The following FIRRM variants were observed in gnomAD, a reference collection of about 807,000 sequenced individuals.
FIRRM encodes FIGNL1-interacting regulator of recombination and mitosis.
At chr1:169,820,319 G>A in the FIRRM span, among the ~76,000 whole-genome samples, 2 of 152,206 alleles carry the variant, frequency 1.3e-5, no homozygotes, top group Non-Finnish European at 2.9e-5. Context: ...CTTGTCTGTA[G>A]TGAAGGGACC....
At chr1:169,792,059 T>C in the FIRRM span, among the ~76,000 whole-genome samples, 1 of 152,222 alleles carries the variant, frequency 6.6e-6, no homozygotes, top group East Asian at 1.9e-4. Flanking sequence ...TGTCACAGAT[T>C]CCCTTTGTTT....
chr1:169,803,485 G>A, the FIRRM span, among the ~76,000 whole-genome samples: 4 of 152,118 alleles, frequency 2.6e-5, no homozygotes, highest in African/African-American at 9.7e-5. Flanking sequence ...TTTTAAGGAA[G>A]TCATTAAAAG....
the FIRRM span, chr1:169,793,733 C>A: frequency 6.6e-7 from 1 of 1,517,458 alleles, no homozygotes; most frequent in Non-Finnish European, 8.8e-7. Context: ...AATTCAGATT[C>A]TTCAACTTCT....
the FIRRM span, among the ~76,000 whole-genome samples, chr1:169,790,187 C>CT: frequency 2.1e-5 from 3 of 142,866 alleles, no homozygotes; most frequent in Admixed American, 6.9e-5. Flanking sequence ...TTTTTTTTCT[C>CT]TTTTTTTGTT....
At chr1:169,829,171 T>C in the FIRRM span, 1 of 1,176,338 alleles carries the variant, frequency 8.5e-7, no homozygotes, top group South Asian at 2.1e-5. Flanking sequence ...CATTTTCTGC[T>C]TAAACAACCT....
chr1:169,806,076 A>C, the FIRRM span: 14 of 1,583,634 alleles, frequency 8.8e-6, no homozygotes, highest in African/African-American at 1.4e-5. Flanking sequence ...AATACTTGGA[A>C]GTTTATAATT....
the FIRRM span, among the ~76,000 whole-genome samples, chr1:169,805,317 G>T: frequency 9.2e-5 from 14 of 152,244 alleles, no homozygotes; most frequent in Admixed American, 2.6e-4. Context: ...ACATCTGGCT[G>T]TTGGCAGAGG....
chr1:169,807,849 A>G, the FIRRM span: 3 of 1,609,602 alleles, frequency 1.9e-6, no homozygotes, highest in Admixed American at 1.7e-5. Context: ...AGATATAATT[A>G]CTAGCTTGTG....
chr1:169,817,063 G>A, the FIRRM span, among the ~76,000 whole-genome samples: 1 of 151,718 alleles, frequency 6.6e-6, no homozygotes, highest in Non-Finnish European at 1.5e-5. Flanking sequence ...CAGCTCAAAA[G>A]AAGTTTTCTT....
the FIRRM span, chr1:169,807,990 A>T: frequency 6.7e-7 from 1 of 1,490,502 alleles, no homozygotes; most frequent in Non-Finnish European, 9.1e-7. Context: ...CAGTTAGTAA[A>T]TCTCATTTGA....
the FIRRM span, among the ~76,000 whole-genome samples, chr1:169,788,320 T>A: frequency 1.3e-5 from 2 of 152,200 alleles, no homozygotes; most frequent in Admixed American, 1.3e-4. Context: ...ATACTTGAAG[T>A]CTACTTGAAG....
the FIRRM span, chr1:169,851,775 T>TAACA: frequency 6.2e-7 from 1 of 1,603,332 alleles, no homozygotes; most frequent in South Asian, 1.1e-5. Context: ...AGTAGAGTGC[T>TAACA]AACATGTTGC....
At chr1:169,795,856 C>G in the FIRRM span, 3 of 985,088 alleles carry the variant, frequency 3.0e-6, no homozygotes, top group African/African-American at 5.2e-5. Context: ...AGAGTTCTTC[C>G]GCTTGTTGTT....
chr1:169,817,891 G>A, the FIRRM span, among the ~76,000 whole-genome samples: 514 of 151,684 alleles, frequency 3.4e-3, 3 homozygotes, highest in African/African-American at 0.011. Context: ...TTTTTCCAGT[G>A]TTCAATTTAT....
the FIRRM span, among the ~76,000 whole-genome samples, chr1:169,817,387 TA>T: frequency 6.6e-6 from 1 of 152,198 alleles, no homozygotes; most frequent in Non-Finnish European, 1.5e-5. Flanking sequence ...CAGCCTCTGT[TA>T]AAGCCATAAT....
the FIRRM span, among the ~76,000 whole-genome samples, chr1:169,813,270 G>A: frequency 2.0e-5 from 3 of 152,184 alleles, no homozygotes; most frequent in Admixed American, 2.0e-4. Flanking sequence ...CATTATAGAT[G>A]AGAAAACTGG....
chr1:169,848,067 G>C, the FIRRM span, among the ~76,000 whole-genome samples: 1 of 151,966 alleles, frequency 6.6e-6, no homozygotes, highest in Non-Finnish European at 1.5e-5. Context: ...ATTCCAGTTG[G>C]GTTCTAATAC....
chr1:169,811,546 T>G, the FIRRM span, among the ~76,000 whole-genome samples: 1 of 152,052 alleles, frequency 6.6e-6, no homozygotes, highest in Non-Finnish European at 1.5e-5. Context: ...TTCTAGTTAC[T>G]TGGGAGACTG....
At chr1:169,785,586 G>A in the FIRRM span, among the ~76,000 whole-genome samples, 1 of 152,124 alleles carries the variant, frequency 6.6e-6, no homozygotes, top group Non-Finnish European at 1.5e-5. Context: ...CCAGCCTCTC[G>A]ACGTTCAGAT....
Sources: gnomAD v4.1 joint callset for allele counts (sites outside exome capture counted in the v4.1 genomes callset) on GRCh38, gnomAD v4.1.1 for gene constraint, MANE v1.5 for transcripts, NCBI Gene and HGNC (gene_info 2026-07-23, HGNC 2026-07-21) for gene names.